The following DIS3L2 variants were observed in gnomAD, a reference collection of about 807,000 sequenced individuals.
The protein encoded by DIS3L2 is DIS3-like exonuclease 2.
In DIS3L2, 34 loss-of-function variants were observed where a neutral mutation model predicts 97.5. The ratio of observed to expected loss-of-function variants is 0.35; its 90% CI spans 0.27 to 0.46. The LOEUF is 0.46. Ranked by LOEUF, DIS3L2 falls within the 20% of genes least tolerant of loss-of-function variation. The probability of loss-of-function intolerance (pLI) is 1.00; values close to 1 mark genes in which losing one functional copy is unlikely to be tolerated. For synonymous variants in DIS3L2, 435 were observed against 445.2 expected, an observed-to-expected ratio of 0.98 and a Z score of 0.29; for missense variants, 1,038 against 1,146.0, an observed-to-expected ratio of 0.91 and a Z score of 1.36.
chr2:232,191,670 A>G (rs1691621602), intron 9 of DIS3L2, among the ~76,000 whole-genome samples: 1 of 152,194 alleles, frequency 6.6e-6, no homozygotes, highest in African/African-American at 2.4e-5. Context: ...TAAAGTTGCC[A>G]TGTAGTCTTT....
At chr2:231,970,876 C>G (rs1205373090) in intron 1 of DIS3L2, among the ~76,000 whole-genome samples, 1 of 152,074 alleles carries the variant, frequency 6.6e-6, no homozygotes, top group East Asian at 1.9e-4. Context: ...ACACATTGTA[C>G]AGCTGTACAA....
intron 6 of DIS3L2, among the ~76,000 whole-genome samples, chr2:232,091,645 T>C (rs1696840021): frequency 6.6e-6 from 1 of 152,144 alleles, no homozygotes; most frequent in Non-Finnish European, 1.5e-5. Context: ...TGATACACTG[T>C]TTTCCTTTCT....
intron 13 of DIS3L2, among the ~76,000 whole-genome samples, chr2:232,297,894 G>A (rs1409687557): frequency 6.6e-6 from 1 of 151,958 alleles, no homozygotes; most frequent in Non-Finnish European, 1.5e-5. Context: ...CTAGAGATGG[G>A]GTTTTACCAT....
chr2:232,244,687 ATTGAGTCTGATGATC>A (rs1422577575), intron 11 of DIS3L2, among the ~76,000 whole-genome samples: 10 of 152,342 alleles, frequency 6.6e-5, no homozygotes, highest in Middle Eastern at 3.4e-3. Context: ...CTTGCAACAG[ATTGAGTCTGATGATC>A]TCAGTTTTCT....
At chr2:231,971,123 C>A (rs1692893428) in intron 1 of DIS3L2, among the ~76,000 whole-genome samples, 1 of 152,096 alleles carries the variant, frequency 6.6e-6, no homozygotes, top group Non-Finnish European at 1.5e-5. Context: ...TCCTGAGGGA[C>A]CTGCTTGAGG....
At chr2:232,164,723 CATATTACAT>C (rs1416366668) in intron 9 of DIS3L2, among the ~76,000 whole-genome samples, 1 of 152,154 alleles carries the variant, frequency 6.6e-6, no homozygotes, top group East Asian at 1.9e-4. Flanking sequence ...TCATAGAACA[CATATTACAT>C]TTGAAGTCAG....
chr2:232,241,129 T>TTCCTTTGAACCGCTGCTCTG (rs1218375353), intron 11 of DIS3L2, among the ~76,000 whole-genome samples: 2 of 152,262 alleles, frequency 1.3e-5, no homozygotes, highest in Non-Finnish European at 2.9e-5. Flanking sequence ...TGCGCTCTGA[T>TTCCTTTGAACCGCTGCTCTG]TCCTTTGAAC....
At chr2:232,053,064 T>A (rs1246237195) in intron 5 of DIS3L2, among the ~76,000 whole-genome samples, 1 of 152,236 alleles carries the variant, frequency 6.6e-6, no homozygotes, top group African/African-American at 2.4e-5. Flanking sequence ...GTATTTCTTT[T>A]TCATTCTTCA....
At chr2:232,298,286 A>G (rs1475835126) in intron 13 of DIS3L2, among the ~76,000 whole-genome samples, 1 of 152,226 alleles carries the variant, frequency 6.6e-6, no homozygotes, top group Non-Finnish European at 1.5e-5. Context: ...GATTTTTCTA[A>G]GCTATAAATT....
chr2:232,002,471 T>C (rs1170489702), intron 1 of DIS3L2, among the ~76,000 whole-genome samples: 1 of 152,230 alleles, frequency 6.6e-6, no homozygotes, highest in Non-Finnish European at 1.5e-5. Context: ...AGGACACTGT[T>C]ACAGTATTCC....
At chr2:232,163,699 C>A in intron 9 of DIS3L2, 67 bp downstream of exon 9, 1 of 1,498,884 alleles carries the variant, frequency 6.7e-7, no homozygotes, top group Non-Finnish European at 8.9e-7. Flanking sequence ...AGGGGCTAGG[C>A]TTAGATGTTT....
chr2:232,213,650 TATC>T (rs2106222160), intron 10 of DIS3L2, among the ~76,000 whole-genome samples: 1 of 147,674 alleles, frequency 6.8e-6, no homozygotes, highest in Non-Finnish European at 1.5e-5. Flanking sequence ...GGTCTATTTA[TATC>T]ATCTGTAGTT....
chr2:232,132,287 A>G (rs1269144380), intron 7 of DIS3L2, among the ~76,000 whole-genome samples: 2 of 152,222 alleles, frequency 1.3e-5, no homozygotes, highest in East Asian at 1.9e-4. Flanking sequence ...GACAATTAAC[A>G]TTATATGAAT....
At chr2:232,035,246 T>C (rs1442569433) in intron 5 of DIS3L2, among the ~76,000 whole-genome samples, 3 of 152,254 alleles carry the variant, frequency 2.0e-5, no homozygotes, top group Admixed American at 2.0e-4. Flanking sequence ...CTTTTGCCAT[T>C]ATGTAATGCC....
At chr2:232,337,479 A>AG, downstream of DIS3L2, among the ~76,000 whole-genome samples, 1 of 151,970 alleles carries the variant, frequency 6.6e-6, no homozygotes, top group African/African-American at 2.4e-5. Flanking sequence ...CCAAACCAGG[A>AG]GGGGAAACTG....
chr2:232,230,020 G>C (rs1050082826), intron 10 of DIS3L2, among the ~76,000 whole-genome samples: 2 of 151,894 alleles, frequency 1.3e-5, no homozygotes, highest in African/African-American at 4.8e-5. Flanking sequence ...TTTCACTTCA[G>C]CTTCTCTTAA....
chr2:232,279,522 G>A (rs1694228543), intron 13 of DIS3L2, among the ~76,000 whole-genome samples: 2 of 151,594 alleles, frequency 1.3e-5, no homozygotes, highest in South Asian at 4.2e-4. Flanking sequence ...TTGTTTGTTT[G>A]TTTGTTTGTT....
At chr2:232,310,803 C>T (rs912944079) in intron 14 of DIS3L2, among the ~76,000 whole-genome samples, 4 of 152,240 alleles carry the variant, frequency 2.6e-5, no homozygotes, top group Non-Finnish European at 4.4e-5. Flanking sequence ...CTGAGTTGCC[C>T]ATGGGTCCAG....
chr2:232,270,907 TC>T, intron 13 of DIS3L2, among the ~76,000 whole-genome samples: 1 of 133,124 alleles, frequency 7.5e-6, no homozygotes, highest in African/African-American at 3.1e-5. Context: ...TCTCTCTCTC[TC>T]TCTCTCTGTC....
Sources: gnomAD v4.1 joint callset for allele counts (sites outside exome capture counted in the v4.1 genomes callset) on GRCh38, gnomAD v4.1.1 for gene constraint, MANE v1.5 for transcripts, NCBI Gene and HGNC (gene_info 2026-07-23, HGNC 2026-07-21) for gene names.